The following ZNRF2 variants were observed in gnomAD, a reference collection of about 807,000 sequenced individuals.
The protein encoded by ZNRF2 is zinc and ring finger 2.
ZNRF2 carries 16 observed loss-of-function variants against 20.4 expected under a neutral mutation model. The ratio of observed to expected loss-of-function variants is 0.79; its 90% CI spans 0.53 to 1.19. The LOEUF (loss-of-function observed/expected upper bound fraction) is 1.19, where lower values mean the gene tolerates loss of function less well. ZNRF2 is among the 50% of genes most tolerant of loss of function. ZNRF2 has a pLI of 0.00. For synonymous variants in ZNRF2, 178 were observed against 144.9 expected (o/e 1.23, Z -1.64); for missense variants, 363 against 332.4 (o/e 1.09, Z -0.72).
At position 30,332,579 on chromosome 7, in the gene ZNRF2, G is replaced by T. The variant is rs1799652664; in HGVS notation, c.565+8842G>T. On this transcript the variant is annotated intron_variant, in intron 2 of 4. Transcript: ENST00000323037. ...CTGTTGTTTCTATCTTTATGTCTGT[G>T]TGTACCCATTGTTTAGCTCACATTT... 2.0e-5 allele frequency among the ~76,000 whole-genome samples: 3 copies of T among 152,206 alleles called. 1 individual carries two copies. Among genetic ancestry groups the T allele is most frequent in the Middle Eastern group, 6.8e-3 (2 of 294 alleles).
chr7:30,352,425 CTT>C (rs1298865601), intron 2 of ZNRF2, among the ~76,000 whole-genome samples: 1 of 152,024 alleles, frequency 6.6e-6, no homozygotes, highest in Non-Finnish European at 1.5e-5. Flanking sequence ...CTTTTCCAGT[CTT>C]TTAACTTTTC....
In ZNRF2 at chr7:30,285,576, AGCCCCGGCG is replaced by A. The variant is rs1416817905; in HGVS notation, c.226_234del (p.Ala76_Pro78del). 6.0e-6 allele frequency: 6 copies of A among 999,912 alleles called. No homozygotes were observed. The highest frequency in any genetic ancestry group is 3.6e-5 in the African/African-American group (2 of 55,870). 61.9% of individuals were successfully genotyped at this position (999,912 alleles called of 1,614,324 possible). A position where few individuals can be genotyped will look rare whatever the true frequency, so the allele number is the denominator to read the frequency against. On this transcript the variant is annotated inframe_deletion, in exon 1 of 5. Coordinates refer to ENST00000323037, the MANE Select transcript of ZNRF2 (RefSeq NM_147128.4). ...CCGCGGCGGCCGCGGCGGCCCCGGC[AGCCCCGGCG>A]GCCCCGCGCAGCCGCTCCCTCGGCG... is the stretch of plus-strand genomic sequence containing the variant.
intron 1 of ZNRF2, 128 bp downstream of exon 1, chr7:30,285,954 A>T (rs1798780138): frequency 7.6e-7 from 1 of 1,321,612 alleles, no homozygotes; most frequent in Non-Finnish European, 9.6e-7. Context: ...CTCCCGGACC[A>T]GCCCGCGTCG....
chr7:30,309,705 T>C (rs1799261433), intron 1 of ZNRF2, among the ~76,000 whole-genome samples: 1 of 152,210 alleles, frequency 6.6e-6, no homozygotes, highest in Non-Finnish European at 1.5e-5. Flanking sequence ...ACTAACCTGT[T>C]ATTAAGCAGT....
intron 1 of ZNRF2, among the ~76,000 whole-genome samples, chr7:30,299,858 C>A (rs990092161): frequency 6.7e-6 from 1 of 149,126 alleles, no homozygotes; most frequent in African/African-American, 2.5e-5. Flanking sequence ...CGGCTCACTA[C>A]GAGCTCTGCC....
At chr7:30,318,519 T>C (rs998601966) in intron 1 of ZNRF2, among the ~76,000 whole-genome samples, 2 of 152,212 alleles carry the variant, frequency 1.3e-5, no homozygotes, top group Non-Finnish European at 1.5e-5. Context: ...GAGTAATTTT[T>C]CTACCAACAA....
intron 2 of ZNRF2, among the ~76,000 whole-genome samples, chr7:30,349,734 G>T (rs1799935976): frequency 6.6e-6 from 1 of 152,048 alleles, no homozygotes; most frequent in African/African-American, 2.4e-5. Flanking sequence ...TAGCTTTGTT[G>T]TGTTTTCAGG....
rs1799189083 is a variant in ZNRF2, at chr7:30,305,678, T to A, written c.470-17964T>A. Among the ~76,000 whole-genome samples the A allele has an allele frequency of 2.6e-5, 4 of 152,170 alleles. No individual in the cohort carries two copies. The South Asian group carries it at 8.3e-4, about 31-fold the overall frequency. ...TGATTTAATTCTTATAGCAGTGTTG[T>A]AGATGAGGTTGACCAGTTACCAGCA... On this transcript the variant is annotated intron_variant, in intron 1 of 4. Transcript: ENST00000323037.
In ZNRF2 at chr7:30,285,069, C is replaced by T. The variant is rs1326927500; in HGVS notation, c.-289C>T. The T allele has an allele frequency of 4.9e-6, 2 of 410,424 alleles. No homozygotes were observed. The highest frequency in any genetic ancestry group is 9.6e-6 in the Non-Finnish European group (2 of 208,284). The allele number at this position is 410,424 out of a possible 1,614,324, so 25.4% of individuals were successfully genotyped here. On this transcript the variant is annotated 5_prime_UTR_variant, in exon 1 of 5. Coordinates refer to ENST00000323037, the MANE Select transcript of ZNRF2 (RefSeq NM_147128.4). ...GCGGCAGCCGCACGGCCACTTGAGC[C>T]GCCCCTTCCTGCTGGAGCCAGCGAG...
intron 1 of ZNRF2, among the ~76,000 whole-genome samples, chr7:30,307,014 T>C (rs538149572): frequency 4.3e-4 from 66 of 152,276 alleles, no homozygotes; most frequent in African/African-American, 1.5e-3. Flanking sequence ...TCTACTCTGC[T>C]ACCTCTATCC....
intron 1 of ZNRF2, among the ~76,000 whole-genome samples, chr7:30,316,759 AT>A (rs1363947284): frequency 6.6e-6 from 1 of 152,130 alleles, no homozygotes; most frequent in East Asian, 1.9e-4. Flanking sequence ...AACCGTGATA[AT>A]TTAGAGAGAA....
intron 1 of ZNRF2, among the ~76,000 whole-genome samples, chr7:30,298,538 A>G (rs559255807): frequency 1.1e-4 from 17 of 152,278 alleles, no homozygotes; most frequent in East Asian, 7.7e-4. Context: ...GGAATACACA[A>G]TCGTTTATGC....
At chr7:30,326,584 G>A (rs1799556098) in intron 2 of ZNRF2, among the ~76,000 whole-genome samples, 1 of 152,170 alleles carries the variant, frequency 6.6e-6, no homozygotes, top group South Asian at 2.1e-4. Flanking sequence ...TGTGAACAGT[G>A]CTGCAGTGAA....
At chr7:30,310,853 C>CCCTGTCCTGT (rs70980596) in intron 1 of ZNRF2, among the ~76,000 whole-genome samples, 89 of 151,346 alleles carry the variant, frequency 5.9e-4, no homozygotes, top group African/African-American at 9.7e-4. Flanking sequence ...ACATCTGAGC[C>CCCTGTCCTGT]CCTGTCCTGT....
intron 2 of ZNRF2, among the ~76,000 whole-genome samples, chr7:30,336,557 G>T (rs2127950703): frequency 6.6e-6 from 1 of 152,208 alleles, no homozygotes; most frequent in Non-Finnish European, 1.5e-5. Context: ...TTTTCTTATA[G>T]CTTTAGTTAT....
In ZNRF2 at chr7:30,334,011, G is replaced by A. The variant is rs554802872; in HGVS notation, c.565+10274G>A. Among the ~76,000 whole-genome samples the A allele has an allele frequency of 3.9e-5, 6 of 152,186 alleles. No homozygotes were observed. The East Asian group carries it at 9.6e-4, about 24-fold the overall frequency. ...TCTTCAGTTTAATTAAGTCCCAAATGTCAATTTTATTTTTGTTGCGTTTGC... is the reference window on the plus strand; with the variant it reads ...TCTTCAGTTTAATTAAGTCCCAAATATCAATTTTATTTTTGTTGCGTTTGC... On this transcript the variant is annotated intron_variant, in intron 2 of 4. Transcript: ENST00000323037.
chr7:30,290,292 T>G (rs759920642), intron 1 of ZNRF2, among the ~76,000 whole-genome samples: 6 of 152,258 alleles, frequency 3.9e-5, no homozygotes, highest in Admixed American at 3.9e-4. Context: ...TCTAAGCTGC[T>G]TATTCACAAA....
chr7:30,315,404 T>A (rs550055373), intron 1 of ZNRF2, among the ~76,000 whole-genome samples: 1 of 152,264 alleles, frequency 6.6e-6, no homozygotes, highest in East Asian at 1.9e-4. Flanking sequence ...GGTAGAGAGA[T>A]GAGTGGACTG....
intron 4 of ZNRF2, among the ~76,000 whole-genome samples, chr7:30,365,082 G>A (rs1463852920): frequency 6.7e-6 from 1 of 149,998 alleles, no homozygotes; most frequent in Non-Finnish European, 1.5e-5. Flanking sequence ...CTATAGCACT[G>A]CAGATTAGGT....
Sources: allele counts gnomAD v4.1 joint callset (sites outside exome capture counted in the v4.1 genomes callset), GRCh38; gene constraint gnomAD v4.1.1; transcripts MANE v1.5; gene names NCBI Gene and HGNC (gene_info 2026-07-23, HGNC 2026-07-21).